Variants in UGT8 observed in about 807,000 individuals in gnomAD.
UGT8 encodes UDP glycosyltransferase 8.
UGT8 carries 12 observed loss-of-function variants against 40.5 expected under a neutral mutation model. That is an observed-to-expected ratio of 0.30 (90% CI 0.19 to 0.48). The LOEUF (loss-of-function observed/expected upper bound fraction) is 0.48, where lower values mean the gene tolerates loss of function less well. UGT8 is among the 20% of genes least tolerant of loss of function. UGT8 has a pLI of 0.99. For missense variants in UGT8, 513 were observed against 648.7 expected (o/e 0.79, Z 2.27); for synonymous variants, 224 against 240.4 (o/e 0.93, Z 0.63).
intron 1 of UGT8, among the ~76,000 whole-genome samples, chr4:114,619,797 G>A (rs560052329): frequency 1.3e-5 from 2 of 151,798 alleles, no homozygotes; most frequent in African/African-American, 2.4e-5. Context: ...AGAATACTTA[G>A]GGAAGTGAAA....
intron 2 of UGT8, among the ~76,000 whole-genome samples, chr4:114,646,992 G>A (rs1733611287): frequency 6.6e-6 from 1 of 151,988 alleles, no homozygotes; most frequent in Non-Finnish European, 1.5e-5. Context: ...TCCGTCACTC[G>A]GATTTAGTCT....
chr4:114,637,954 A>G (rs1732988206), intron 2 of UGT8, among the ~76,000 whole-genome samples: 1 of 152,240 alleles, frequency 6.6e-6, no homozygotes, highest in South Asian at 2.1e-4. Context: ...ATTACAGGCT[A>G]AAATACGTAA....
At chr4:114,647,194 TA>T (rs1358542426) in intron 2 of UGT8, among the ~76,000 whole-genome samples, 1 of 152,202 alleles carries the variant, frequency 6.6e-6, no homozygotes, top group Non-Finnish European at 1.5e-5. Context: ...TGAGATGTTA[TA>T]AAAGATGTCA....
Position 114,665,552 on chromosome 4 carries a change from T to G in UGT8, c.966-128T>G, listed in dbSNP as rs868460675. Reference sequence around the variant, plus strand: ...AATATTTGCTGTTACCAAAGCATGGTTTCATTCTTAAGAATATCAACAAAA... The same window carrying G: ...AATATTTGCTGTTACCAAAGCATGGGTTCATTCTTAAGAATATCAACAAAA... On this transcript the variant is annotated intron_variant, in intron 3 of 5. Coordinates refer to ENST00000310836, the MANE Select transcript of UGT8 (RefSeq NM_001128174.3). 7 of 1,281,384 alleles carry G rather than the reference T, an allele frequency of 5.5e-6. No individual in the cohort carries two copies. In the African/African-American group the frequency reaches 7.8e-5, roughly 14 times the overall value. The allele number at this position is 1,281,384 out of a possible 1,614,324, so 79.4% of individuals were successfully genotyped here.
At chr4:114,616,377 A>G (rs1332270100) in intron 1 of UGT8, among the ~76,000 whole-genome samples, 1 of 152,120 alleles carries the variant, frequency 6.6e-6, no homozygotes, top group African/African-American at 2.4e-5. Flanking sequence ...GTGAGGCTCC[A>G]TGGGCGTAGG....
At chr4:114,663,761 G>A in intron 2 of UGT8, 1 of 984,960 alleles carries the variant, frequency 1.0e-6, no homozygotes, top group East Asian at 1.1e-4. Flanking sequence ...TTTTTAAGTT[G>A]TTTTTGTTAC....
intron 2 of UGT8, among the ~76,000 whole-genome samples, chr4:114,656,105 T>C (rs1403786273): frequency 6.6e-6 from 1 of 152,172 alleles, no homozygotes; most frequent in Non-Finnish European, 1.5e-5. Context: ...GCTTCATTAT[T>C]GATGATGTCC....
chr4:114,654,445 A>G (rs1416399349), intron 2 of UGT8, among the ~76,000 whole-genome samples: 2 of 152,182 alleles, frequency 1.3e-5, no homozygotes, highest in East Asian at 1.9e-4. Context: ...GCAACCACCT[A>G]TTATACCTAT....
At chr4:114,643,253 A>G (rs534536183) in intron 2 of UGT8, among the ~76,000 whole-genome samples, 1 of 152,182 alleles carries the variant, frequency 6.6e-6, no homozygotes, top group Non-Finnish European at 1.5e-5. Flanking sequence ...AGAAAGAAAT[A>G]CTATAAACAG....
At chr4:114,621,234 A>C (rs938888130) in intron 1 of UGT8, among the ~76,000 whole-genome samples, 1 of 152,192 alleles carries the variant, frequency 6.6e-6, no homozygotes. Context: ...AAGGTACAAC[A>C]TAGAAGTGTG....
At chr4:114,640,495 C>A (rs1369849496) in intron 2 of UGT8, among the ~76,000 whole-genome samples, 1 of 151,920 alleles carries the variant, frequency 6.6e-6, no homozygotes, top group African/African-American at 2.4e-5. Context: ...GTATGATATA[C>A]CCTAAGGTAG....
At chr4:114,650,698 A>G (rs1175858189) in intron 2 of UGT8, among the ~76,000 whole-genome samples, 1 of 152,072 alleles carries the variant, frequency 6.6e-6, no homozygotes, top group South Asian at 2.1e-4. Context: ...TGGCATATTC[A>G]GTTTGTCACA....
chr4:114,648,346 T>G (rs191382655), intron 2 of UGT8, among the ~76,000 whole-genome samples: 20 of 149,682 alleles, frequency 1.3e-4, no homozygotes, highest in African/African-American at 4.6e-4. Flanking sequence ...CATTAATATG[T>G]GATCTCAGAC....
At chr4:114,604,658 A>G (rs1730634196) in intron 1 of UGT8, among the ~76,000 whole-genome samples, 1 of 152,164 alleles carries the variant, frequency 6.6e-6, no homozygotes, top group South Asian at 2.1e-4. Context: ...GTTTACATCT[A>G]TGCAGTGGTT....
rs368584974 is a variant in UGT8, at chr4:114,623,363, C to T, written c.483C>T (p.Gly161=). ...LGVKYAVFST[G]LWYPAEVGAP... is the part of the protein sequence containing the mutation. ...TTAAATATGCTGTATTTTCAACTGG[C>T]CTTTGGTATCCTGCTGAAGTGGGTG... Residue 161 remains glycine, a synonymous_variant, in exon 2 of 6, where the codon GGC becomes GGT. Coordinates refer to ENST00000310836, the MANE Select transcript of UGT8 (RefSeq NM_001128174.3). 4.3e-6 allele frequency: 7 copies of T among 1,613,978 alleles called. No homozygotes were observed. Among genetic ancestry groups the T allele is most frequent in the Admixed American group, 1.7e-5 (1 of 59,990 alleles).
chr4:114,638,753 G>C (rs1029521585), intron 2 of UGT8, among the ~76,000 whole-genome samples: 1 of 152,172 alleles, frequency 6.6e-6, no homozygotes, highest in Non-Finnish European at 1.5e-5. Context: ...CTACTTGTTT[G>C]GGTTATGAAT....
chr4:114,599,978 A>G (rs1730346637), intron 1 of UGT8, among the ~76,000 whole-genome samples: 1 of 152,156 alleles, frequency 6.6e-6, no homozygotes, highest in Non-Finnish European at 1.5e-5. Flanking sequence ...TTCCTTAGGA[A>G]AGGAATAGCC....
intron 2 of UGT8, among the ~76,000 whole-genome samples, chr4:114,652,752 G>A (rs1311770894): frequency 6.6e-6 from 1 of 152,072 alleles, no homozygotes; most frequent in Non-Finnish European, 1.5e-5. Context: ...GTTCCTTTAG[G>A]GGAGGCTGAG....
intron 2 of UGT8, among the ~76,000 whole-genome samples, chr4:114,653,686 G>C (rs1323335923): frequency 6.6e-6 from 1 of 152,030 alleles, no homozygotes; most frequent in Non-Finnish European, 1.5e-5. Context: ...ATTCAACTCT[G>C]AAATCAAGAG....
Sources: allele counts gnomAD v4.1 joint callset (sites outside exome capture counted in the v4.1 genomes callset), GRCh38; gene constraint gnomAD v4.1.1; transcripts MANE v1.5; gene names NCBI Gene and HGNC (gene_info 2026-07-23, HGNC 2026-07-21).